AGMO: variants seen among roughly 807,000 people sequenced by gnomAD.
AGMO encodes glyceryl-ether monooxygenase.
Under a neutral mutation model 60.2 loss-of-function variants are expected in AGMO, and 75 were observed. That is an observed-to-expected ratio of 1.25 (90% CI 1.03 to 1.51). The LOEUF is 1.51. Among genes scored for constraint, AGMO ranks in the 40% most tolerant of loss-of-function variants. AGMO has a pLI of 0.00. For missense variants in AGMO, 763 were observed against 525.5 expected, an observed-to-expected ratio of 1.45 and a Z score of -4.42; for synonymous variants, 261 against 177.1, an observed-to-expected ratio of 1.47 and a Z score of -3.76.
At chr7:15,249,116 T>C (rs763283146) in intron 12 of AGMO, among the ~76,000 whole-genome samples, 2 of 152,030 alleles carry the variant, frequency 1.3e-5, no homozygotes, top group East Asian at 1.9e-4. Context: ...GAAGGTAGAG[T>C]TGTTTTCATA....
chr7:15,371,289 A>G (rs1783201522), intron 10 of AGMO, among the ~76,000 whole-genome samples: 1 of 152,160 alleles, frequency 6.6e-6, no homozygotes, highest in Admixed American at 6.6e-5. Context: ...GGCACCATCT[A>G]AGCTCACGAC....
At chr7:15,481,105 G>C (rs113713934) in intron 3 of AGMO, among the ~76,000 whole-genome samples, 17 of 151,938 alleles carry the variant, frequency 1.1e-4, no homozygotes, top group African/African-American at 4.1e-4. Flanking sequence ...AGAACTGTGG[G>C]CTGAAGAAAA....
intron 12 of AGMO, among the ~76,000 whole-genome samples, chr7:15,303,338 A>G (rs1044673498): frequency 7.2e-5 from 11 of 152,122 alleles, no homozygotes; most frequent in Non-Finnish European, 1.5e-4. Context: ...AAGATACATT[A>G]GGTAAAAATA....
chr7:15,133,426 C>A, the AGMO span, among the ~76,000 whole-genome samples: 1 of 151,698 alleles, frequency 6.6e-6, no homozygotes, highest in Non-Finnish European at 1.5e-5. Flanking sequence ...AGTTATTGTA[C>A]GGATCATGGA....
At chr7:15,368,963 T>A (rs1197357389) in intron 10 of AGMO, among the ~76,000 whole-genome samples, 1 of 152,146 alleles carries the variant, frequency 6.6e-6, no homozygotes, top group African/African-American at 2.4e-5. Flanking sequence ...ACTAAAACAC[T>A]GCCTTTGAGC....
At position 15,225,341 on chromosome 7, in the gene AGMO, T is replaced by C. The variant is rs555135874; in HGVS notation, c.1264-23982A>G. ...AATCTCTGTAAAAATATCCTTCAGT[T>C]AATCTTTGTATTTTCTTATGATATG... On this transcript the variant is annotated intron_variant, in intron 12 of 12. Coordinates refer to ENST00000342526, the MANE Select transcript of AGMO (RefSeq NM_001004320.2). Among the ~76,000 whole-genome samples the C allele has an allele frequency of 1.2e-3, 186 of 152,164 alleles. 1 individual carries two copies. The highest frequency in any genetic ancestry group is 2.9e-5 in the Non-Finnish European group (2 of 67,950).
Position 15,342,172 on chromosome 7 carries a change from T to TAAAAAAAA in AGMO, c.1263+23334_1263+23341dup, listed in dbSNP as rs775057626. Among the ~76,000 whole-genome samples, 414 of 54,290 alleles carry TAAAAAAAA rather than the reference T, an allele frequency of 7.6e-3. 49 individuals carry two copies. The highest frequency in any genetic ancestry group is 0.037 in the African/African-American group (397 of 10,732). 35.6% of individuals were successfully genotyped at this position (54,290 alleles called of 152,430 possible). A position where few individuals can be genotyped will look rare whatever the true frequency, so the allele number is the denominator to read the frequency against. On this transcript the variant is annotated intron_variant, in intron 12 of 12. Transcript: ENST00000342526. ...AGCTGAGAGTAGATACCCACAGAGT[T>TAAAAAAAA]AAAAAAAAAAAAAAAAAAAAAAAAG...
Position 15,560,136 on chromosome 7 carries a change from C to A in AGMO, c.257+5G>T, listed in dbSNP as rs758770614. On this transcript the variant is annotated splice_donor_5th_base_variant and intron_variant, in intron 2 of 12. Coordinates refer to ENST00000342526, the MANE Select transcript of AGMO (RefSeq NM_001004320.2). ...ATGCTCAGCGTTGTTGACCATCTAA[C>A]TCACCTTGGAAGTCGAGACAGAACA... is the stretch of plus-strand genomic sequence containing the variant. The A allele has an allele frequency of 6.2e-7, 1 of 1,604,324 alleles. No individual in the cohort carries two copies. Among genetic ancestry groups the A allele is most frequent in the South Asian group, 1.1e-5 (1 of 90,170 alleles).
chr7:15,194,357 T>C, the AGMO span, among the ~76,000 whole-genome samples: 1 of 150,154 alleles, frequency 6.7e-6, no homozygotes, highest in East Asian at 2.0e-4. Context: ...GTAATTTTAA[T>C]GGTTAAATAA....
At chr7:15,399,120 G>C (rs1282386659) in intron 5 of AGMO, among the ~76,000 whole-genome samples, 4 of 151,946 alleles carry the variant, frequency 2.6e-5, no homozygotes, top group Non-Finnish European at 1.5e-5. Flanking sequence ...TGCTCCTTTG[G>C]TCTCTGAAGC....
intron 12 of AGMO, among the ~76,000 whole-genome samples, chr7:15,299,040 T>C (rs1438506211): frequency 6.6e-6 from 1 of 152,110 alleles, no homozygotes; most frequent in East Asian, 1.9e-4. Context: ...GCTCAAGTGT[T>C]ACCTCTTTTT....
rs915744889 is a variant in AGMO, at chr7:15,251,880, T to C, written c.1264-50521A>G. Among the ~76,000 whole-genome samples, 31 of 152,206 alleles carry C rather than the reference T, an allele frequency of 2.0e-4. 1 individual carries two copies. Among genetic ancestry groups the C allele is most frequent in the Admixed American group, 1.3e-4 (2 of 15,270 alleles). On this transcript the variant is annotated intron_variant, in intron 12 of 12. Coordinates refer to ENST00000342526, the MANE Select transcript of AGMO (RefSeq NM_001004320.2). The stretch of plus-strand genomic sequence containing the variant: ...CCATAGGCATAACTTTCAGTGTTCC[T>C]TGCAAGAGGCATGCTAGTTATAAGA...
At chr7:15,274,418 G>A (rs1315950363) in intron 12 of AGMO, among the ~76,000 whole-genome samples, 6 of 152,098 alleles carry the variant, frequency 3.9e-5, no homozygotes, top group African/African-American at 9.7e-5. Flanking sequence ...GCTGGATTAC[G>A]TTTATTGATT....
the AGMO span, among the ~76,000 whole-genome samples, chr7:15,172,021 A>C: frequency 6.6e-6 from 1 of 152,184 alleles, no homozygotes; most frequent in Admixed American, 6.5e-5. Context: ...CCACAACTCA[A>C]TGAGACAGTG....
intron 12 of AGMO, among the ~76,000 whole-genome samples, chr7:15,323,953 G>A (rs1781260160): frequency 2.6e-5 from 4 of 152,170 alleles, no homozygotes; most frequent in Admixed American, 2.6e-4. Flanking sequence ...TAAAACTCAA[G>A]CTTGCCGCAG....
intron 12 of AGMO, among the ~76,000 whole-genome samples, chr7:15,339,993 A>G (rs1781789270): frequency 6.6e-6 from 1 of 152,180 alleles, no homozygotes. Context: ...AGATGGAAGG[A>G]GCATAGCACA....
intron 12 of AGMO, among the ~76,000 whole-genome samples, chr7:15,320,115 G>A (rs1231236509): frequency 3.2e-5 from 3 of 95,130 alleles, no homozygotes; most frequent in African/African-American, 1.8e-4. Context: ...GCCTGTTGTG[G>A]GGTGGGGGAG....
At chr7:15,230,368 C>T (rs994211578) in intron 12 of AGMO, among the ~76,000 whole-genome samples, 2 of 152,016 alleles carry the variant, frequency 1.3e-5, no homozygotes, top group East Asian at 3.9e-4. Context: ...TAAATACAAT[C>T]GAGGAGTTCA....
At chr7:15,312,568 G>C (rs1229107713) in intron 12 of AGMO, among the ~76,000 whole-genome samples, 1 of 151,580 alleles carries the variant, frequency 6.6e-6, no homozygotes, top group African/African-American at 2.4e-5. Context: ...ATCAGGGGGA[G>C]GGACAGGGCT....
Sources: allele counts gnomAD v4.1 joint callset (sites outside exome capture counted in the v4.1 genomes callset), GRCh38; gene constraint gnomAD v4.1.1; transcripts MANE v1.5; gene names NCBI Gene and HGNC (gene_info 2026-07-23, HGNC 2026-07-21).